KCNN3: variants seen among roughly 807,000 people sequenced by gnomAD.
The protein encoded by KCNN3 is small conductance calcium-activated potassium channel protein 3.
Under a neutral mutation model 62.9 loss-of-function variants are expected in KCNN3, and 16 were observed. The observed-to-expected ratio is 0.25, with a 90% confidence interval of 0.17 to 0.39. The LOEUF (loss-of-function observed/expected upper bound fraction) is 0.39. Ranked by LOEUF, KCNN3 falls within the 10% of genes least tolerant of loss-of-function variation. KCNN3 has a pLI of 1.00. For synonymous variants in KCNN3, 370 were observed against 389.2 expected, an observed-to-expected ratio of 0.95 and a Z score of 0.58; for missense variants, 599 against 949.4, an observed-to-expected ratio of 0.63 and a Z score of 4.85.
In KCNN3 at chr1:154,707,762, C is replaced by A; in HGVS notation, c.*214G>T. ...GTCGCTTCCTGTCATCTCCTCTTCC[C>A]GCTCCCAAGTAGAGGCACCTAAACA... On this transcript the variant is annotated 3_prime_UTR_variant, in exon 8 of 8. Transcript: ENST00000271915. 1.8e-6 allele frequency: 1 copy of A among 565,706 alleles called. No homozygotes were observed. Among genetic ancestry groups the A allele is most frequent in the Non-Finnish European group, 3.0e-6 (1 of 330,148 alleles). 35.0% of individuals were successfully genotyped at this position (565,706 alleles called of 1,614,324 possible).
intron 3 of KCNN3, among the ~76,000 whole-genome samples, chr1:154,740,321 T>C (rs1007749453): frequency 5.9e-5 from 9 of 152,204 alleles, no homozygotes; most frequent in Admixed American, 5.9e-4. Context: ...CTTACTCTGT[T>C]GCCCAGGCTG....
At chr1:154,837,918 G>A (rs1049929737) in intron 1 of KCNN3, among the ~76,000 whole-genome samples, 2 of 152,232 alleles carry the variant, frequency 1.3e-5, no homozygotes, top group African/African-American at 4.8e-5. Flanking sequence ...GTGTGCCGTG[G>A]GGAGCCAGGT....
intron 3 of KCNN3, among the ~76,000 whole-genome samples, chr1:154,765,141 GCTC>G (rs1179587528): frequency 6.6e-6 from 1 of 152,130 alleles, no homozygotes; most frequent in Non-Finnish European, 1.5e-5. Context: ...TCTAGGGGTG[GCTC>G]CTCCTGTCCC....
In KCNN3 at chr1:154,832,530, C is replaced by T. The variant is rs1332870433; in HGVS notation, c.934-10346G>A. 2.6e-5 allele frequency among the ~76,000 whole-genome samples: 4 copies of T among 152,240 alleles called. No individual in the cohort carries two copies. The East Asian group carries it at 7.7e-4, about 29-fold the overall frequency. On this transcript the variant is annotated intron_variant, in intron 1 of 7. Coordinates refer to ENST00000271915, the MANE Select transcript of KCNN3 (RefSeq NM_002249.6). ...ATTTGCCATCACCATGAGGGGTTCA[C>T]CTAGCAAATATTTACTGCTCCACCT...
rs2174710 is a variant in KCNN3, at chr1:154,809,329, G to A, written c.1029+12760C>T. Among the ~76,000 whole-genome samples the A allele has an allele frequency of 7.3e-3, 1,112 of 152,246 alleles. 10 individuals carry two copies. The highest frequency in any genetic ancestry group is 0.025 in the African/African-American group (1,057 of 41,544). ...AGTTCACAGCTCTGTCCCATACCAG[G>A]CACCGTGCCCCTCACAGAGCATGGC... is the stretch of plus-strand genomic sequence containing the variant. On this transcript the variant is annotated intron_variant, in intron 2 of 7. Transcript: ENST00000271915. The surrounding 1 kb of genome is among the most constrained non-coding windows in gnomAD (Gnocchi z 4.3).
At chr1:154,804,958 T>G (rs1317909808) in intron 2 of KCNN3, among the ~76,000 whole-genome samples, 2 of 152,100 alleles carry the variant, frequency 1.3e-5, no homozygotes. Flanking sequence ...GTGAATTACA[T>G]TTTCAAGGAA....
rs1028284539 is a variant in KCNN3 at position 154,715,797 on chromosome 1, C to T, written c.1702-794G>A. Reference sequence around the variant, plus strand: ...CGAGCTTTGCCTGAGATTGCCACTTCGTGTATACGGTACATTGCTTGGGTT... The same window carrying T: ...CGAGCTTTGCCTGAGATTGCCACTTTGTGTATACGGTACATTGCTTGGGTT... On this transcript the variant is annotated intron_variant, in intron 5 of 7. Transcript: ENST00000271915. 3.3e-5 allele frequency among the ~76,000 whole-genome samples: 5 copies of T among 151,960 alleles called. 1 individual carries two copies. The highest frequency in any genetic ancestry group is 2.0e-4 in the Admixed American group (3 of 15,244).
chr1:154,756,843 A>G (rs1647741617), intron 3 of KCNN3, among the ~76,000 whole-genome samples: 1 of 152,162 alleles, frequency 6.6e-6, no homozygotes, highest in Admixed American at 6.5e-5. Context: ...CCCATGAGGG[A>G]AAAAATCATG....
Position 154,870,257 on chromosome 1 carries a change from C to A in KCNN3, c.-293G>T. The stretch of plus-strand genomic sequence containing the variant: ...CTCTAGGAGCGTGTGAGGCCAGGCT[C>A]AGCTTCACTCCTCGCTGGCTCAATA... On this transcript the variant is annotated 5_prime_UTR_variant, in exon 1 of 8. Coordinates refer to ENST00000271915, the MANE Select transcript of KCNN3 (RefSeq NM_002249.6). 1 of 587,326 alleles carries A rather than the reference C, an allele frequency of 1.7e-6. No homozygotes were observed. Among genetic ancestry groups the A allele is most frequent in the Non-Finnish European group, 3.2e-6 (1 of 314,136 alleles). The allele number at this position is 587,326 out of a possible 1,614,324, so 36.4% of individuals were successfully genotyped here.
At position 154,772,313 on chromosome 1, in the gene KCNN3, C is replaced by A; in HGVS notation, c.1110G>T (p.Met370Ile). The A allele has an allele frequency of 1.9e-6, 3 of 1,614,178 alleles. No homozygotes were observed. Among genetic ancestry groups the A allele is most frequent in the Non-Finnish European group, 2.5e-6 (3 of 1,180,022 alleles). The change falls in exon 3 of 8, where the codon ATG becomes ATT. Residue 370 changes from methionine (M) to isoleucine (I), a missense_variant. By Grantham distance (10) the Met-to-Ile change is conservative. Around this residue, in one of 7 missense-constraint regions of KCNN3, gnomAD observed 288 missense variants for 557.4 expected, o/e 0.52. Transcript: ENST00000271915. This position sits in a 1 kb window ranked among gnomAD's most constrained non-coding sequence, Gnocchi z 5.6. ...GAATGGGGTGGATGGCGCACACCAG[C>A]ATCTCCAGGCTGATGTACAGGATGC... ...YERILYISLE[M>I]LVCAIHPIPG...
In KCNN3 at chr1:154,869,356, A is replaced by G. The variant is rs1309754714; in HGVS notation, c.609T>C (p.Thr203=). ...ASRRNLIEAE[T]EGQPLQLFSP... ...TGAAAAGCTGGAGGGGTTGGCCCTC[A>G]GTCTCGGCCTCGATGAGGTTCCTCC... is the stretch of plus-strand genomic sequence containing the variant. The change falls in exon 1 of 8, where the codon ACT becomes ACC. Residue 203 remains threonine, a synonymous_variant. Transcript: ENST00000271915. This position sits in a 1 kb window ranked among gnomAD's most constrained non-coding sequence, Gnocchi z 6.1. 1.2e-6 allele frequency: 2 copies of G among 1,613,886 alleles called. No individual in the cohort carries two copies. The highest frequency in any genetic ancestry group is 1.7e-6 in the Non-Finnish European group (2 of 1,179,936).
At chr1:154,804,155 G>A (rs1361456989) in intron 2 of KCNN3, among the ~76,000 whole-genome samples, 2 of 152,344 alleles carry the variant, frequency 1.3e-5, no homozygotes, top group East Asian at 3.9e-4. Flanking sequence ...TTTTCTTGGA[G>A]AAAGCCACCC....
At chr1:154,831,169 A>C (rs1218549) in intron 1 of KCNN3, among the ~76,000 whole-genome samples, 101,739 of 152,122 alleles carry the variant, frequency 0.67, 34,339 homozygotes, top group East Asian at 0.96. Flanking sequence ...TGCTGCTCCT[A>C]AGGTAGCCAA....
chr1:154,785,489 A>G lies in KCNN3; in HGVS notation c.1030-13096T>C, dbSNP rs546393199. On this transcript the variant is annotated intron_variant, in intron 2 of 7. Coordinates refer to ENST00000271915, the MANE Select transcript of KCNN3 (RefSeq NM_002249.6). ...CAGGGGGAGCTTTTCCTGATCTCCC[A>G]GTGGCGGGGGCAGCACTTCAAACAG... Among the ~76,000 whole-genome samples, 3 of 151,402 alleles carry G rather than the reference A, an allele frequency of 2.0e-5. No individual in the cohort carries two copies. In the East Asian group the frequency reaches 5.9e-4, roughly 30 times the overall value.
chr1:154,705,201 G>C lies in KCNN3; in HGVS notation c.*2775C>G, dbSNP rs951756596. 2.0e-5 allele frequency: 3 copies of C among 152,140 alleles called. No homozygotes were observed. Among genetic ancestry groups the C allele is most frequent in the Non-Finnish European group, 2.9e-5 (2 of 68,036 alleles). The allele number at this position is 152,140 out of a possible 1,614,324, so 9.4% of individuals were successfully genotyped here. A position where few individuals can be genotyped will look rare whatever the true frequency, so the allele number is the denominator to read the frequency against. On this transcript the variant is annotated 3_prime_UTR_variant, in exon 8 of 8. Transcript: ENST00000271915. ...TCTGACTGTGATGCTGAGGTGTGGT[G>C]GAATTAGCCAAAAGATGTAGGAAGA...
chr1:154,766,963 G>C (rs1648325340), intron 3 of KCNN3, among the ~76,000 whole-genome samples: 1 of 152,098 alleles, frequency 6.6e-6, no homozygotes, highest in African/African-American at 2.4e-5. Flanking sequence ...TTACAGGCGT[G>C]AGCCACCGAG....
At chr1:154,762,418 T>C (rs1164802219) in intron 3 of KCNN3, among the ~76,000 whole-genome samples, 2 of 152,256 alleles carry the variant, frequency 1.3e-5, no homozygotes, top group Non-Finnish European at 2.9e-5. Context: ...TTAGAGGGAC[T>C]GAATATGTGT....
chr1:154,728,191 G>T (rs933941194), intron 4 of KCNN3, among the ~76,000 whole-genome samples: 2 of 152,096 alleles, frequency 1.3e-5, no homozygotes, highest in African/African-American at 2.4e-5. Flanking sequence ...TTGCAGGGGG[G>T]GCTTTTAATG....
intron 5 of KCNN3, among the ~76,000 whole-genome samples, chr1:154,719,099 C>G (rs11590354): frequency 0.18 from 27,907 of 151,986 alleles, 2,798 homozygotes; most frequent in Middle Eastern, 0.31. Context: ...GGCAGGAGTA[C>G]AAGGGGGATG....
Sources: allele counts gnomAD v4.1 joint callset (sites outside exome capture counted in the v4.1 genomes callset), GRCh38; gene constraint gnomAD v4.1.1; regional missense constraint gnomAD v4.1.1; non-coding constraint Gnocchi (gnomAD v3.1); transcripts MANE v1.5; gene names NCBI Gene and HGNC (gene_info 2026-07-23, HGNC 2026-07-21).